The following SOX6 variants were observed in gnomAD, a reference collection of about 807,000 sequenced individuals.
SOX6 encodes the protein transcription factor SOX-6.
Under a neutral mutation model 97.8 loss-of-function variants are expected in SOX6, and 11 were observed. The observed-to-expected ratio is 0.11, with a 90% CI of 0.07 to 0.19. The LOEUF (loss-of-function observed/expected upper bound fraction) is 0.19. SOX6 is among the 10% of genes least tolerant of loss of function. The pLI is 1.00. For missense variants in SOX6, 810 were observed against 1,039.5 expected (o/e 0.78, Z 3.04); for synonymous variants, 360 against 371.4 (o/e 0.97, Z 0.35).
chr11:16,102,531 T>C (rs189355179), intron 7 of SOX6, among the ~76,000 whole-genome samples: 260 of 151,862 alleles, frequency 1.7e-3, no homozygotes, highest in African/African-American at 6.0e-3. Context: ...AAAAGAATCC[T>C]AAAATATATA....
At chr11:16,270,976 A>C (rs1249604897) in intron 3 of SOX6, among the ~76,000 whole-genome samples, 1 of 151,432 alleles carries the variant, frequency 6.6e-6, no homozygotes, top group Non-Finnish European at 1.5e-5. Context: ...TGTAATTAAG[A>C]GTAATGAATT....
chr11:16,537,041 C>T (rs915919186), intron 4 of SOX6, among the ~76,000 whole-genome samples: 2 of 152,198 alleles, frequency 1.3e-5, no homozygotes, highest in Non-Finnish European at 2.9e-5. Flanking sequence ...TTGGGAGACA[C>T]CTCCCAGTAG....
intron 1 of SOX6, among the ~76,000 whole-genome samples, chr11:16,469,987 G>C (rs1860110259): frequency 6.6e-6 from 1 of 151,988 alleles, no homozygotes; most frequent in South Asian, 2.1e-4. Flanking sequence ...AATGTAATGG[G>C]TATACACATT....
At chr11:16,627,177 T>A (rs1292396574) in intron 3 of SOX6, among the ~76,000 whole-genome samples, 1 of 152,206 alleles carries the variant, frequency 6.6e-6, no homozygotes, top group African/African-American at 2.4e-5. Flanking sequence ...GGCTACATAG[T>A]ATTCTATGTT....
At chr11:16,649,913 A>G (rs999044322) in intron 3 of SOX6, among the ~76,000 whole-genome samples, 4 of 152,312 alleles carry the variant, frequency 2.6e-5, no homozygotes, top group African/African-American at 9.6e-5. Flanking sequence ...AAGGACTCAC[A>G]TAACCGAAAG....
At chr11:16,409,883 A>G (rs1380962827) in intron 1 of SOX6, among the ~76,000 whole-genome samples, 4 of 152,156 alleles carry the variant, frequency 2.6e-5, no homozygotes, top group African/African-American at 9.7e-5. Context: ...GCCAAGAGGA[A>G]GACTATCTAA....
chr11:16,629,551 T>C (rs1391077544), intron 3 of SOX6, among the ~76,000 whole-genome samples: 1 of 152,180 alleles, frequency 6.6e-6, no homozygotes, highest in African/African-American at 2.4e-5. Context: ...TGGCTCATTG[T>C]TTTATTTTTT....
chr11:16,496,694 C>T (rs1860603685), intron 4 of SOX6, among the ~76,000 whole-genome samples: 1 of 152,212 alleles, frequency 6.6e-6, no homozygotes, highest in African/African-American at 2.4e-5. Flanking sequence ...ATCAGAGGGT[C>T]CTACGCCCAC....
chr11:16,482,052 C>T (rs1860353302), intron 4 of SOX6, among the ~76,000 whole-genome samples: 1 of 152,144 alleles, frequency 6.6e-6, no homozygotes, highest in Admixed American at 6.5e-5. Context: ...GGTGCTACTG[C>T]ATTCAATCTG....
At chr11:16,057,963 G>A (rs1343223849) in intron 9 of SOX6, among the ~76,000 whole-genome samples, 1 of 151,876 alleles carries the variant, frequency 6.6e-6, no homozygotes, top group Non-Finnish European at 1.5e-5. Flanking sequence ...TCACTATTAT[G>A]TCCTTCTGTT....
chr11:16,115,547 G>A (rs981698958), intron 6 of SOX6, among the ~76,000 whole-genome samples: 7 of 152,266 alleles, frequency 4.6e-5, no homozygotes, highest in Non-Finnish European at 7.4e-5. Flanking sequence ...TGAAGCTGGG[G>A]CTGCTGGTCC....
intron 3 of SOX6, among the ~76,000 whole-genome samples, chr11:16,682,738 G>C (rs577899354): frequency 4.6e-5 from 7 of 152,200 alleles, no homozygotes; most frequent in Admixed American, 1.3e-4. Context: ...TTCTGGCCAG[G>C]GCATTCAGGC....
At chr11:16,153,552 C>G (rs908841601) in intron 6 of SOX6, among the ~76,000 whole-genome samples, 3 of 152,100 alleles carry the variant, frequency 2.0e-5, no homozygotes, top group Non-Finnish European at 4.4e-5. Context: ...AAAACCCATA[C>G]CACTCACTAA....
intron 4 of SOX6, among the ~76,000 whole-genome samples, chr11:16,529,097 C>T (rs753319238): frequency 6.6e-6 from 1 of 152,084 alleles, no homozygotes; most frequent in Non-Finnish European, 1.5e-5. Context: ...ATTTCTACCA[C>T]AGTTTTAATC....
At chr11:16,604,278 G>A (rs1333566839) in intron 4 of SOX6, among the ~76,000 whole-genome samples, 1 of 152,232 alleles carries the variant, frequency 6.6e-6, no homozygotes, top group African/African-American at 2.4e-5. Context: ...TCCTCGCCAT[G>A]GACCAGCTCG....
At chr11:16,422,287 C>A (rs1313924859) in intron 1 of SOX6, among the ~76,000 whole-genome samples, 2 of 152,130 alleles carry the variant, frequency 1.3e-5, no homozygotes, top group South Asian at 2.1e-4. Context: ...TGTCTCTTAA[C>A]AATGGATATA....
intron 2 of SOX6, among the ~76,000 whole-genome samples, chr11:16,731,464 C>T (rs1848349423): frequency 6.6e-6 from 1 of 152,182 alleles, no homozygotes; most frequent in African/African-American, 2.4e-5. Context: ...TAAATGTAAT[C>T]CATCGCATAC....
At chr11:16,350,676 T>C (rs910035822) in intron 1 of SOX6, among the ~76,000 whole-genome samples, 1 of 152,212 alleles carries the variant, frequency 6.6e-6, no homozygotes, top group African/African-American at 2.4e-5. Flanking sequence ...TCAGAGAACA[T>C]CTTTCAGACC....
intron 1 of SOX6, among the ~76,000 whole-genome samples, chr11:16,448,626 A>G (rs774634939): frequency 2.8e-4 from 43 of 152,228 alleles, no homozygotes; most frequent in Non-Finnish European, 4.6e-4. Flanking sequence ...AACAGTAATT[A>G]CTATCCTTCA....
Sources: allele counts gnomAD v4.1 joint callset (sites outside exome capture counted in the v4.1 genomes callset), GRCh38; gene constraint gnomAD v4.1.1; transcripts MANE v1.5; gene names NCBI Gene and HGNC (gene_info 2026-07-23, HGNC 2026-07-21).